ZNF559: variants seen among roughly 807,000 people sequenced by gnomAD.
ZNF559 encodes putative protein product of Nbla00121.
A neutral mutation model predicts 14.2 loss-of-function variants in ZNF559; 17 were observed. The observed-to-expected ratio is 1.20, with a 90% CI of 0.82 to 1.80. The LOEUF (loss-of-function observed/expected upper bound fraction) is 1.80, where lower values mean the gene tolerates loss of function less well. Among genes scored for constraint, ZNF559 ranks in the 40% most tolerant of loss-of-function variants. The pLI is 0.00. For missense variants in ZNF559, 740 were observed against 629.7 expected (o/e 1.18, Z -1.88); for synonymous variants, 244 against 212.4 (o/e 1.15, Z -1.29).
chr19:9,324,618 ACCC>A, intron 1 of ZNF559, 74 bp from the exon 2 acceptor site: 24 of 710,268 alleles, frequency 3.4e-5, no homozygotes, highest in East Asian at 6.6e-5. Context: ...ACATAGGGAG[ACCC>A]CCCCCCCCAA....
chr19:9,339,264 G>A lies in ZNF559; in HGVS notation c.105G>A (p.Gln35=), dbSNP rs753090392. ...AGTGGACTTTGCTGGATCAAACTCA[G>A]AGAAACTTATACAGAGATGTGATGC... ...QEEWTLLDQT[Q]RNLYRDVMLE... Residue 35 remains glutamine (Q), a synonymous_variant, in exon 5 of 7, where the codon CAG becomes CAA. Transcript: ENST00000603380. 1 of 1,614,002 alleles carries A rather than the reference G, an allele frequency of 6.2e-7. No individual in the cohort carries two copies. Among genetic ancestry groups the A allele is most frequent in the Non-Finnish European group, 8.5e-7 (1 of 1,179,960 alleles).
rs1394216615 is a variant in ZNF559, at chr19:9,345,640, A to AT, written c.*2578dup. On this transcript the variant is annotated 3_prime_UTR_variant, in exon 7 of 7. Transcript: ENST00000603380. ...TCTTTTGCCTGTTTATATTGGCTTTATTTTTTATTTATTTTTATTTTTTTT... is the reference window on the plus strand; with the variant it reads ...TCTTTTGCCTGTTTATATTGGCTTTATTTTTTTATTTATTTTTATTTTTTTT... The AT allele has an allele frequency of 7.4e-6, 1 of 134,926 alleles. No homozygotes were observed. Among genetic ancestry groups the AT allele is most frequent in the East Asian group, 2.1e-4 (1 of 4,852 alleles). The allele number at this position is 134,926 out of a possible 1,614,324, so 8.4% of individuals were successfully genotyped here.
In ZNF559 at chr19:9,338,530, C is replaced by A; in HGVS notation, c.-20C>A. ...CAAGATGTTTTCTGTCTTCATGAGTCAAAATTTGAAGAGGAAAGGATGGTG... is the reference window on the plus strand; with the variant it reads ...CAAGATGTTTTCTGTCTTCATGAGTAAAAATTTGAAGAGGAAAGGATGGTG... On this transcript the variant is annotated 5_prime_UTR_variant, in exon 4 of 7. Coordinates refer to ENST00000603380, the MANE Select transcript of ZNF559 (RefSeq NM_032497.3). 1 of 1,613,874 alleles carries A rather than the reference C, an allele frequency of 6.2e-7. No individual in the cohort carries two copies. The highest frequency in any genetic ancestry group is 1.1e-5 in the South Asian group (1 of 91,044).
rs140022935 is a variant in ZNF559, at chr19:9,343,151, T to A, written c.*83T>A. Reference sequence around the variant, plus strand: ...AACATGTACTCATTCATAGTGGCAATGTACACAGTCATAAGGAATGTGGGA... The same window carrying A: ...AACATGTACTCATTCATAGTGGCAAAGTACACAGTCATAAGGAATGTGGGA... On this transcript the variant is annotated 3_prime_UTR_variant, in exon 7 of 7. Coordinates refer to ENST00000603380, the MANE Select transcript of ZNF559 (RefSeq NM_032497.3). 6,108 of 1,530,040 alleles carry A rather than the reference T, an allele frequency of 4.0e-3. 24 individuals carry two copies. Among genetic ancestry groups the A allele is most frequent in the Non-Finnish European group, 4.8e-3 (5,448 of 1,146,628 alleles). The allele number at this position is 1,530,040 out of a possible 1,614,324, so 94.8% of individuals were successfully genotyped here. A position where few individuals can be genotyped will look rare whatever the true frequency, so the allele number is the denominator to read the frequency against.
rs1033786579 is a variant in ZNF559 at position 9,343,837 on chromosome 19, T to C, written c.*769T>C. 1.5e-5 allele frequency: 15 copies of C among 974,558 alleles called. No individual in the cohort carries two copies. The African/African-American group carries it at 2.8e-4, about 18-fold the overall frequency. The allele number at this position is 974,558 out of a possible 1,614,324, so 60.4% of individuals were successfully genotyped here. On this transcript the variant is annotated 3_prime_UTR_variant, in exon 7 of 7. Coordinates refer to ENST00000603380, the MANE Select transcript of ZNF559 (RefSeq NM_032497.3). ...TATATCATTAATAAAAATATCTAGC[T>C]GGTCTGAAGATCCTGAGTTATCTCA... is the stretch of plus-strand genomic sequence containing the variant.
intron 5 of ZNF559, among the ~76,000 whole-genome samples, chr19:9,340,454 T>G (rs2067496355): frequency 6.6e-6 from 1 of 151,834 alleles, no homozygotes; most frequent in African/African-American, 2.4e-5. Flanking sequence ...TGATTTGCAT[T>G]TAGCTCTGTA....
rs535728624 is a variant in ZNF559 at position 9,337,349 on chromosome 19, AC to A, written c.-119-445del. Among the ~76,000 whole-genome samples, 4 of 152,338 alleles carry A rather than the reference AC, an allele frequency of 2.6e-5. No individual in the cohort carries two copies. The South Asian group carries it at 8.3e-4, about 32-fold the overall frequency. On this transcript the variant is annotated intron_variant, in intron 2 of 6. Transcript: ENST00000603380. Reference sequence around the variant, plus strand: ...CTCAACCATAGAAAAATATACACTTACCAGGGAAGATATTCCATAAGCTAAA... The same window carrying A: ...CTCAACCATAGAAAAATATACACTTACAGGGAAGATATTCCATAAGCTAAA...
chr19:9,341,364 T>G (rs2067573074), intron 6 of ZNF559, 180 bp downstream of exon 6: 1 of 760,208 alleles, frequency 1.3e-6, no homozygotes, highest in Non-Finnish European at 2.3e-6. Flanking sequence ...TAAACATCCC[T>G]CAGAATATAT....
Position 9,343,527 on chromosome 19 carries a change from G to A in ZNF559, c.*459G>A. 1.0e-6 allele frequency: 1 copy of A among 993,806 alleles called. No homozygotes were observed. Among genetic ancestry groups the A allele is most frequent in the Non-Finnish European group, 1.2e-6 (1 of 834,054 alleles). The allele number at this position is 993,806 out of a possible 1,614,324, so 61.6% of individuals were successfully genotyped here. On this transcript the variant is annotated 3_prime_UTR_variant, in exon 7 of 7. Transcript: ENST00000603380. ...GCCTTATACCTTAATATTCAGCTGT[G>A]ATCTCACAAGTGTGAAAAATCTTAT...
At chr19:9,325,054 A>T (rs1220120482) in intron 2 of ZNF559, among the ~76,000 whole-genome samples, 1 of 152,328 alleles carries the variant, frequency 6.6e-6, no homozygotes, top group African/African-American at 2.4e-5. Context: ...CCCCAGGAAC[A>T]CGGTGCGGGC....
At chr19:9,324,620 C>CA in intron 1 of ZNF559, 75 bp from the exon 2 acceptor site, 1 of 476,190 alleles carries the variant, frequency 2.1e-6, no homozygotes, top group African/African-American at 4.1e-5. Flanking sequence ...ATAGGGAGAC[C>CA]CCCCCCCCCA....
intron 2 of ZNF559, among the ~76,000 whole-genome samples, chr19:9,336,356 C>T (rs1047404791): frequency 2.0e-5 from 3 of 152,016 alleles, no homozygotes; most frequent in Admixed American, 6.6e-5. Flanking sequence ...CTTTGGGAGG[C>T]TGAGGCAGGC....
At position 9,341,788 on chromosome 19, in the gene ZNF559, T is replaced by TA; in HGVS notation, c.338dup (p.Tyr113Ter). ...ATGCCTTAAGACTCACAGGAGAACT[T>TA]ACTTTAGAAAGAAAACCTGTGAGTG... is the stretch of plus-strand genomic sequence containing the variant. ...HSCLKTHRRT[Y>*]FRKKTCECNQ... Residue 113 changes from tyrosine (Y) to a stop codon, truncating the protein, a stop_gained and frameshift_variant, in exon 7 of 7, where the codon TAC (tyrosine) becomes TAAC (stop). Transcript: ENST00000603380. LOFTEE classifies it low-confidence loss of function (END_TRUNC). 6.2e-7 allele frequency: 1 copy of TA among 1,608,342 alleles called. No individual in the cohort carries two copies. The highest frequency in any genetic ancestry group is 8.5e-7 in the Non-Finnish European group (1 of 1,178,534).
At chr19:9,328,467 C>CT (rs1307156016) in intron 2 of ZNF559, among the ~76,000 whole-genome samples, 4 of 149,900 alleles carry the variant, frequency 2.7e-5, no homozygotes, top group African/African-American at 4.9e-5. Flanking sequence ...GATTCTCCTG[C>CT]TTCAGCCTCC....
At chr19:9,335,409 G>C (rs1302948974) in intron 2 of ZNF559, among the ~76,000 whole-genome samples, 1 of 152,120 alleles carries the variant, frequency 6.6e-6, no homozygotes, top group Admixed American at 6.5e-5. Flanking sequence ...CAAGGCTGCT[G>C]TGAGCTTGAT....
Position 9,343,411 on chromosome 19 carries a change from T to C in ZNF559, c.*343T>C. 9.2e-7 allele frequency: 1 copy of C among 1,089,728 alleles called. No individual in the cohort carries two copies. Among genetic ancestry groups the C allele is most frequent in the South Asian group, 3.0e-5 (1 of 33,786 alleles). The allele number at this position is 1,089,728 out of a possible 1,614,324, so 67.5% of individuals were successfully genotyped here. A position where few individuals can be genotyped will look rare whatever the true frequency, so the allele number is the denominator to read the frequency against. On this transcript the variant is annotated 3_prime_UTR_variant, in exon 7 of 7. Coordinates refer to ENST00000603380, the MANE Select transcript of ZNF559 (RefSeq NM_032497.3). The stretch of plus-strand genomic sequence containing the variant: ...GTGAGGAAGGTGGAAAAGCTTTCAT[T>C]ATTTTCCTCGGGCCTTACTGAGCTT...
chr19:9,342,853 C>T lies in ZNF559; in HGVS notation c.1402C>T (p.Gln468Ter), dbSNP rs1311800664. The T allele has an allele frequency of 6.2e-6, 10 of 1,613,352 alleles. No individual in the cohort carries two copies. In the African/African-American group the frequency reaches 1.1e-4, roughly 17 times the overall value. ...TACAGGGGAGAGGCCATATAAATGT[C>T]AAAAGTGTGGGCAAGCCTTCAGTAT... is the stretch of plus-strand genomic sequence containing the variant. Reference protein sequence around the residue: ...IHTGERPYKCQKCGQAFSISS... With the variant: ...IHTGERPYKC Residue 468 changes from glutamine (Q) to a stop codon, truncating the protein, a stop_gained, in exon 7 of 7, where the codon CAA becomes TAA. Coordinates refer to ENST00000603380, the MANE Select transcript of ZNF559 (RefSeq NM_032497.3). LOFTEE classifies it low-confidence loss of function (END_TRUNC).
chr19:9,324,092 G>T (rs2066428567), upstream of ZNF559: 2 of 1,466,252 alleles, frequency 1.4e-6, no homozygotes, highest in Non-Finnish European at 1.8e-6. Context: ...GGAAAAAGCC[G>T]CAGCAGCTGA....
chr19:9,337,209 G>A lies in ZNF559; in HGVS notation c.-119-587G>A, dbSNP rs555945244. Among the ~76,000 whole-genome samples, 13 of 152,256 alleles carry A rather than the reference G, an allele frequency of 8.5e-5. No individual in the cohort carries two copies. In the South Asian group the frequency reaches 1.4e-3, roughly 17 times the overall value. ...TACACTTATGCCCAGCCCCTCAACA[G>A]TTCAAACTCATGCATTATTGCCAGA... is the stretch of plus-strand genomic sequence containing the variant. On this transcript the variant is annotated intron_variant, in intron 2 of 6. Transcript: ENST00000603380.
Sources: allele counts gnomAD v4.1 joint callset (sites outside exome capture counted in the v4.1 genomes callset), GRCh38; gene constraint gnomAD v4.1.1; transcripts MANE v1.5; gene names NCBI Gene and HGNC (gene_info 2026-07-23, HGNC 2026-07-21).